Variants in CDH13 observed in about 807,000 individuals in gnomAD.
CDH13 encodes cadherin-13.
In CDH13, 24 loss-of-function variants were observed where a neutral mutation model predicts 63.8. That is an observed-to-expected ratio of 0.38 (90% CI 0.27 to 0.53). The LOEUF (loss-of-function observed/expected upper bound fraction) is 0.53. CDH13 is among the 20% of genes least tolerant of loss of function. The pLI, the probability that CDH13 is intolerant of heterozygous loss-of-function variation, is 0.85. For synonymous variants in CDH13, 503 were observed against 355.3 expected (o/e 1.42, Z -4.67); for missense variants, 1,049 against 903.1 (o/e 1.16, Z -2.07).
chr16:83,087,755 T>C (rs9922279), intron 3 of CDH13, among the ~76,000 whole-genome samples: 71 of 151,254 alleles, frequency 4.7e-4, no homozygotes, highest in African/African-American at 1.5e-3. Flanking sequence ...CATACTTTCA[T>C]TGAATTTTTA....
chr16:83,228,793 G>A lies in CDH13; in HGVS notation c.636+11296G>A, dbSNP rs376449718. Among the ~76,000 whole-genome samples the A allele has an allele frequency of 5.6e-4, 86 of 152,280 alleles. 2 individuals carry two copies. The highest frequency in any genetic ancestry group is 1.8e-3 in the African/African-American group (74 of 41,574). ...AGCTTAGACATGATACTCCTGCGGC[G>A]AAAGGGACAAATGATGGAGGATTTT... On this transcript the variant is annotated intron_variant, in intron 5 of 13. Transcript: ENST00000567109.
chr16:82,732,169 C>A (rs577311941), intron 1 of CDH13, among the ~76,000 whole-genome samples: 1 of 152,122 alleles, frequency 6.6e-6, no homozygotes, highest in Non-Finnish European at 1.5e-5. Flanking sequence ...AAAGACTGCA[C>A]GCTTCCCCAG....
At chr16:82,723,434 G>A (rs550351358) in intron 1 of CDH13, among the ~76,000 whole-genome samples, 7 of 152,068 alleles carry the variant, frequency 4.6e-5, no homozygotes, top group Non-Finnish European at 7.4e-5. Flanking sequence ...CCTCCCTTAA[G>A]TTCTCTGTGA....
At chr16:82,738,871 G>A (rs17273696) in intron 1 of CDH13, among the ~76,000 whole-genome samples, 36,375 of 152,116 alleles carry the variant, frequency 0.24, 5,236 homozygotes, top group South Asian at 0.37. Flanking sequence ...CATTTATTCT[G>A]CTGCACCTAC....
chr16:82,791,653 G>A lies in CDH13; in HGVS notation c.46-66709G>A, dbSNP rs575797056. ...CCCGTGGCTGACTTCCACCCCTCTG[G>A]ATCCAGCAGGGTGTCCACTGTGCTC... On this transcript the variant is annotated intron_variant, in intron 1 of 13. Coordinates refer to ENST00000567109, the MANE Select transcript of CDH13 (RefSeq NM_001257.5). 2.0e-5 allele frequency among the ~76,000 whole-genome samples: 3 copies of A among 152,234 alleles called. No individual in the cohort carries two copies. The South Asian group carries it at 6.2e-4, about 32-fold the overall frequency.
At chr16:83,019,803 C>G (rs893034269) in intron 2 of CDH13, among the ~76,000 whole-genome samples, 14 of 141,560 alleles carry the variant, frequency 9.9e-5, no homozygotes, top group African/African-American at 3.7e-4. Context: ...GCCAGTAAAC[C>G]TTTTCTTAAT....
At chr16:82,707,077 G>C (rs550291269) in intron 1 of CDH13, among the ~76,000 whole-genome samples, 7 of 152,188 alleles carry the variant, frequency 4.6e-5, no homozygotes, top group African/African-American at 1.7e-4. Context: ...CCTGTTTGGC[G>C]GGAAAATAGC....
intron 1 of CDH13, among the ~76,000 whole-genome samples, chr16:82,827,442 A>G (rs975388112): frequency 3.9e-5 from 6 of 152,200 alleles, no homozygotes; most frequent in African/African-American, 9.7e-5. Flanking sequence ...GAACCTCACC[A>G]AATGATGGGG....
chr16:83,049,798 G>A (rs2030086411), intron 3 of CDH13, among the ~76,000 whole-genome samples: 2 of 152,088 alleles, frequency 1.3e-5, no homozygotes, highest in South Asian at 4.1e-4. Context: ...GAACAACACT[G>A]CTACCAACCT....
intron 5 of CDH13, among the ~76,000 whole-genome samples, chr16:83,227,991 G>T (rs2039892458): frequency 6.6e-6 from 1 of 152,148 alleles, no homozygotes; most frequent in Non-Finnish European, 1.5e-5. Flanking sequence ...CTAAGTGCTG[G>T]GAATAGACAC....
chr16:83,601,965 C>T (rs577531220), intron 7 of CDH13, among the ~76,000 whole-genome samples: 3 of 151,108 alleles, frequency 2.0e-5, no homozygotes, highest in South Asian at 4.2e-4. Context: ...TGGTGATGGG[C>T]GCCTGTAATC....
chr16:83,420,455 A>G (rs1191743453), intron 6 of CDH13, among the ~76,000 whole-genome samples: 1 of 152,228 alleles, frequency 6.6e-6, no homozygotes, highest in Non-Finnish European at 1.5e-5. Flanking sequence ...ATCTCTGGGC[A>G]GAGACCACAG....
intron 3 of CDH13, among the ~76,000 whole-genome samples, chr16:83,097,987 G>T (rs984145341): frequency 6.6e-6 from 1 of 152,162 alleles, no homozygotes; most frequent in African/African-American, 2.4e-5. Context: ...TAGTCAAGAA[G>T]CATATCTGGA....
intron 7 of CDH13, among the ~76,000 whole-genome samples, chr16:83,520,024 C>G (rs1404654376): frequency 2.6e-5 from 4 of 152,118 alleles, no homozygotes; most frequent in Non-Finnish European, 1.5e-5. Flanking sequence ...GCCTGGGTAA[C>G]TTCATGATAT....
intron 5 of CDH13, among the ~76,000 whole-genome samples, chr16:83,280,722 A>G (rs889586708): frequency 2.0e-5 from 3 of 152,238 alleles, no homozygotes; most frequent in African/African-American, 7.2e-5. Context: ...TAGTTTTACA[A>G]AATGTCTTTT....
At chr16:83,078,076 A>G (rs930794998) in intron 3 of CDH13, among the ~76,000 whole-genome samples, 1 of 152,150 alleles carries the variant, frequency 6.6e-6, no homozygotes, top group Non-Finnish European at 1.5e-5. Context: ...CTGACCTGAG[A>G]TGAGAGTCAG....
chr16:82,734,330 A>G (rs74526276), intron 1 of CDH13, among the ~76,000 whole-genome samples: 1 of 152,206 alleles, frequency 6.6e-6, no homozygotes, highest in African/African-American at 2.4e-5. Flanking sequence ...TTATAGAAAA[A>G]AAAAATGTGT....
At chr16:83,385,219 A>G (rs556541820) in intron 6 of CDH13, among the ~76,000 whole-genome samples, 124 of 152,358 alleles carry the variant, frequency 8.1e-4, no homozygotes, top group Non-Finnish European at 1.4e-3. Context: ...ATGAGAGAGA[A>G]TCATTGTTTC....
At chr16:82,681,908 C>T (rs1914591730) in intron 1 of CDH13, among the ~76,000 whole-genome samples, 1 of 152,234 alleles carries the variant, frequency 6.6e-6, no homozygotes, top group Non-Finnish European at 1.5e-5. Context: ...CCCGGTTGAG[C>T]TCCAGTTGCC....
Sources: allele counts gnomAD v4.1 joint callset (sites outside exome capture counted in the v4.1 genomes callset), GRCh38; gene constraint gnomAD v4.1.1; transcripts MANE v1.5; gene names NCBI Gene and HGNC (gene_info 2026-07-23, HGNC 2026-07-21).